The following RPS6KC1 variants were observed in gnomAD, a reference collection of about 807,000 sequenced individuals.
RPS6KC1 encodes the protein ribosomal protein S6 kinase C1, also known as inactive ribosomal protein S6 kinase delta-1.
Under a neutral mutation model 103.8 loss-of-function variants are expected in RPS6KC1, and 54 were observed. That is an observed-to-expected ratio of 0.52 (90% CI 0.42 to 0.65). RPS6KC1 has a LOEUF of 0.65. RPS6KC1 is among the 30% of genes least tolerant of loss of function. The pLI is 0.00. For missense variants in RPS6KC1, 1,151 were observed against 1,253.8 expected, an observed-to-expected ratio of 0.92 and a Z score of 1.24; for synonymous variants, 439 against 438.7, an observed-to-expected ratio of 1.00 and a Z score of -0.01.
In RPS6KC1 at chr1:213,242,091, G is replaced by A. The variant is rs545170643; in HGVS notation, c.2615G>A (p.Ser872Asn). Residue 872 changes from serine (S) to asparagine (N), a missense_variant, in exon 11 of 15, where the codon AGT becomes AAT. This residue lies in a region of RPS6KC1 where 3 missense variants were observed against 18.7 expected (regional missense o/e 0.16). Transcript: ENST00000366960. ...FQRDSETKGESGLVLEGDKEI... is the reference protein window; with the variant it reads ...FQRDSETKGENGLVLEGDKEI... Reference sequence around the variant, plus strand: ...AGAGACTCTGAGACTAAGGGTGAAAGTGGTTTAGTGCTAGAAGGAGACAAG... The same window carrying A: ...AGAGACTCTGAGACTAAGGGTGAAAATGGTTTAGTGCTAGAAGGAGACAAG... 1 of 1,613,970 alleles carries A rather than the reference G, an allele frequency of 6.2e-7. No homozygotes were observed. Among genetic ancestry groups the A allele is most frequent in the Admixed American group, 1.7e-5 (1 of 59,974 alleles).
the RPS6KC1 span, among the ~76,000 whole-genome samples, chr1:213,514,120 A>G: frequency 6.6e-6 from 1 of 152,200 alleles, no homozygotes; most frequent in Non-Finnish European, 1.5e-5. Flanking sequence ...GACAAATTCT[A>G]AAGTGTCTCA....
chr1:213,153,341 G>A (rs1430351674), intron 6 of RPS6KC1, among the ~76,000 whole-genome samples: 2 of 152,044 alleles, frequency 1.3e-5, no homozygotes, highest in Non-Finnish European at 2.9e-5. Context: ...AGGGGCAGAG[G>A]CAGAGGCATT....
At chr1:213,636,223 C>T in the RPS6KC1 span, among the ~76,000 whole-genome samples, 6 of 152,282 alleles carry the variant, frequency 3.9e-5, no homozygotes, top group Non-Finnish European at 8.8e-5. Context: ...AGTGCCATCC[C>T]TATCAAGCTA....
chr1:213,704,874 G>A, the RPS6KC1 span, among the ~76,000 whole-genome samples: 3 of 152,264 alleles, frequency 2.0e-5, no homozygotes, highest in Admixed American at 2.0e-4. Context: ...CAGGCTTGTA[G>A]AGATACTGTC....
chr1:213,447,853 T>TCTAA, the RPS6KC1 span, among the ~76,000 whole-genome samples: 1 of 152,224 alleles, frequency 6.6e-6, no homozygotes, highest in African/African-American at 2.4e-5. Flanking sequence ...ATTCTTTGAA[T>TCTAA]CTAACAGTTG....
chr1:213,550,330 A>AT, the RPS6KC1 span, among the ~76,000 whole-genome samples: 1 of 152,228 alleles, frequency 6.6e-6, no homozygotes, highest in Admixed American at 6.5e-5. Flanking sequence ...AGGTAAGCAC[A>AT]TTTTTCTCCT....
At chr1:213,236,325 C>T in intron 10 of RPS6KC1, among the ~76,000 whole-genome samples, 1 of 152,156 alleles carries the variant, frequency 6.6e-6, no homozygotes, top group East Asian at 1.9e-4. Flanking sequence ...GGTAGAACGG[C>T]ATGATTCTGT....
chr1:213,830,778 C>T, the RPS6KC1 span, among the ~76,000 whole-genome samples: 52 of 152,240 alleles, frequency 3.4e-4, 1 homozygote, highest in Admixed American at 1.2e-3. Flanking sequence ...GATCCCTTCC[C>T]CTACTCTTTT....
rs2094334188 is a variant in RPS6KC1 at position 213,240,849 on chromosome 1, C to A, written c.1373C>A (p.Ser458Tyr). The change falls in exon 11 of 15, where the codon TCC becomes TAC. Residue 458 changes from serine to tyrosine, a missense_variant. Ser to Tyr is a moderately radical substitution (Grantham distance 144). Transcript: ENST00000366960. ...SSPQDSSSFE[S>Y]RGSDGGSMLK... is the part of the protein sequence containing the mutation. ...CCTCAGGACAGCAGTAGCTTTGAAT[C>A]CAGAGGAAGTGATGGTGGAAGCATG... 1 of 1,613,766 alleles carries A rather than the reference C, an allele frequency of 6.2e-7. No individual in the cohort carries two copies. The highest frequency in any genetic ancestry group is 8.5e-7 in the Non-Finnish European group (1 of 1,179,902).
chr1:213,647,515 T>C, the RPS6KC1 span, among the ~76,000 whole-genome samples: 1 of 152,212 alleles, frequency 6.6e-6, no homozygotes, highest in Non-Finnish European at 1.5e-5. Flanking sequence ...ATTCTTGTTC[T>C]ACCAACAACT....
intron 14 of RPS6KC1, among the ~76,000 whole-genome samples, chr1:213,263,442 ATT>A (rs1000453639): frequency 2.0e-5 from 3 of 152,214 alleles, no homozygotes; most frequent in African/African-American, 7.2e-5. Flanking sequence ...CGTGTAGTGA[ATT>A]TTGCTGATAT....
the RPS6KC1 span, among the ~76,000 whole-genome samples, chr1:213,437,833 C>T: frequency 6.6e-6 from 1 of 151,738 alleles, no homozygotes; most frequent in Non-Finnish European, 1.5e-5. Context: ...CCTTTACAAT[C>T]TCCTAATATG....
the RPS6KC1 span, among the ~76,000 whole-genome samples, chr1:213,294,467 T>G: frequency 1.3e-5 from 2 of 152,188 alleles, no homozygotes; most frequent in African/African-American, 4.8e-5. Context: ...ATGACTCCTA[T>G]TGGATGTGCT....
At chr1:213,338,369 G>C in the RPS6KC1 span, among the ~76,000 whole-genome samples, 22 of 152,198 alleles carry the variant, frequency 1.4e-4, no homozygotes, top group African/African-American at 5.3e-4. Context: ...CATTCTTACT[G>C]TACTTAGAGT....
chr1:213,860,966 AC>A, the RPS6KC1 span, among the ~76,000 whole-genome samples: 1 of 151,546 alleles, frequency 6.6e-6, no homozygotes, highest in Non-Finnish European at 1.5e-5. Context: ...GCACCAACAT[AC>A]CCTGCTAATT....
the RPS6KC1 span, among the ~76,000 whole-genome samples, chr1:213,656,870 G>T: frequency 1.3e-5 from 2 of 152,176 alleles, no homozygotes; most frequent in African/African-American, 4.8e-5. Context: ...TGTATTTTCT[G>T]GGAAGAGAGC....
the RPS6KC1 span, among the ~76,000 whole-genome samples, chr1:213,323,141 CA>C: frequency 1.3e-5 from 2 of 151,856 alleles, no homozygotes; most frequent in African/African-American, 4.8e-5. Flanking sequence ...TCTGTCATTC[CA>C]TTGCCTTCTC....
At chr1:213,668,995 A>G in the RPS6KC1 span, among the ~76,000 whole-genome samples, 1 of 152,178 alleles carries the variant, frequency 6.6e-6, no homozygotes, top group East Asian at 1.9e-4. Context: ...TTAAGGGAAC[A>G]TTATGGCTTT....
At chr1:213,129,488 C>T in intron 5 of RPS6KC1, 39 bp from the exon 6 acceptor site, 1 of 1,525,856 alleles carries the variant, frequency 6.6e-7, no homozygotes, top group South Asian at 1.3e-5. Context: ...GGCTGATTCT[C>T]AATTTAATAT....
Sources: gnomAD v4.1 joint callset for allele counts (sites outside exome capture counted in the v4.1 genomes callset) on GRCh38, gnomAD v4.1.1 for gene constraint, gnomAD v4.1.1 regional missense constraint, MANE v1.5 for transcripts, NCBI Gene and HGNC (gene_info 2026-07-23, HGNC 2026-07-21) for gene names.